The following SPAG16 variants were observed in gnomAD, a reference collection of about 807,000 sequenced individuals.
The protein encoded by SPAG16 is sperm-associated antigen 16 protein.
In SPAG16, 86 loss-of-function variants were observed where a neutral mutation model predicts 80.4. That is an observed-to-expected ratio of 1.07 (90% confidence interval 0.90 to 1.28). The LOEUF (loss-of-function observed/expected upper bound fraction) is 1.28, where lower values mean the gene tolerates loss of function less well. Ranked by LOEUF, SPAG16 falls within the 50% of genes most tolerant of loss-of-function variation. The pLI is 0.00. For synonymous variants in SPAG16, 294 were observed against 265.9 expected, an observed-to-expected ratio of 1.11 and a Z score of -1.03; for missense variants, 870 against 765.3, an observed-to-expected ratio of 1.14 and a Z score of -1.61.
intron 15 of SPAG16, among the ~76,000 whole-genome samples, chr2:214,250,965 T>G (rs976044578): frequency 6.6e-6 from 1 of 151,638 alleles, no homozygotes; most frequent in Non-Finnish European, 1.5e-5. Context: ...GAAATTTAGC[T>G]TCAAACTACC....
At chr2:213,296,618 G>A (rs1559381284) in intron 2 of SPAG16, among the ~76,000 whole-genome samples, 1 of 152,202 alleles carries the variant, frequency 6.6e-6, no homozygotes, top group East Asian at 1.9e-4. Flanking sequence ...AGATGACAGA[G>A]GCTGTGAATG....
intron 10 of SPAG16, among the ~76,000 whole-genome samples, chr2:213,750,462 T>C (rs1453363593): frequency 1.3e-5 from 2 of 152,248 alleles, no homozygotes; most frequent in East Asian, 3.8e-4. Context: ...AAGCTATTTG[T>C]CCAAAATTAA....
At chr2:213,699,096 C>T (rs140707873) in intron 10 of SPAG16, among the ~76,000 whole-genome samples, 1,552 of 152,282 alleles carry the variant, frequency 0.01, 13 homozygotes, top group Non-Finnish European at 0.017. Context: ...ATGTCTCCTA[C>T]AACGTTTGAT....
At chr2:213,770,239 A>AT (rs1361722581) in intron 10 of SPAG16, among the ~76,000 whole-genome samples, 2 of 151,830 alleles carry the variant, frequency 1.3e-5, no homozygotes, top group Non-Finnish European at 2.9e-5. Context: ...GTGATGATTT[A>AT]TTTTTTTCTT....
intron 10 of SPAG16, among the ~76,000 whole-genome samples, chr2:213,771,722 CT>C (rs777650592): frequency 2.0e-5 from 3 of 152,084 alleles, no homozygotes; most frequent in Non-Finnish European, 4.4e-5. Flanking sequence ...TTCCCCATTG[CT>C]TGTTTTCATC....
intron 13 of SPAG16, among the ~76,000 whole-genome samples, chr2:214,061,981 GCACACA>G (rs58582439): frequency 0.021 from 2,322 of 111,538 alleles, 50 homozygotes; most frequent in African/African-American, 0.065. Context: ...ATAAAAGCAT[GCACACA>G]CACACACACA....
At chr2:213,459,994 C>G (rs1046516004) in intron 9 of SPAG16, among the ~76,000 whole-genome samples, 16 of 152,088 alleles carry the variant, frequency 1.1e-4, no homozygotes, top group African/African-American at 3.9e-4. Flanking sequence ...GTTGAAAAAT[C>G]GAATATATGT....
intron 10 of SPAG16, among the ~76,000 whole-genome samples, chr2:213,629,693 G>T (rs554976599): frequency 1.3e-5 from 2 of 152,190 alleles, no homozygotes; most frequent in African/African-American, 4.8e-5. Flanking sequence ...ATGCTTCAGG[G>T]TGCTGATATG....
At chr2:213,294,338 T>C (rs2062415979) in intron 1 of SPAG16, among the ~76,000 whole-genome samples, 1 of 152,154 alleles carries the variant, frequency 6.6e-6, no homozygotes, top group South Asian at 2.1e-4. Context: ...CTCGAACAGA[T>C]TGCTAGTAGA....
chr2:214,109,265 A>G (rs556167961), intron 14 of SPAG16, among the ~76,000 whole-genome samples: 1 of 152,286 alleles, frequency 6.6e-6, no homozygotes, highest in East Asian at 1.9e-4. Context: ...TTGCCACGTG[A>G]ATTAAGGATG....
At chr2:213,936,968 G>A (rs185391883) in intron 12 of SPAG16, among the ~76,000 whole-genome samples, 48 of 152,174 alleles carry the variant, frequency 3.2e-4, no homozygotes, top group Middle Eastern at 3.4e-3. Flanking sequence ...TTAAGAAAGA[G>A]GAAATATGAA....
chr2:213,352,504 C>G (rs567538862), intron 7 of SPAG16, among the ~76,000 whole-genome samples: 3 of 152,272 alleles, frequency 2.0e-5, no homozygotes, highest in East Asian at 3.9e-4. Flanking sequence ...ATGCTTATCT[C>G]CCATATACCA....
intron 11 of SPAG16, among the ~76,000 whole-genome samples, chr2:213,915,605 T>C (rs2077920540): frequency 6.6e-6 from 1 of 152,208 alleles, no homozygotes; most frequent in Non-Finnish European, 1.5e-5. Context: ...GCATGTATCT[T>C]TATAGTAAAA....
intron 10 of SPAG16, among the ~76,000 whole-genome samples, chr2:213,704,461 C>T (rs377152514): frequency 7.9e-5 from 12 of 152,250 alleles, no homozygotes; most frequent in East Asian, 3.9e-4. Context: ...TCACAGCCCA[C>T]TTACACAATT....
chr2:214,313,623 CTAGTT>C (rs1356475223), intron 15 of SPAG16, among the ~76,000 whole-genome samples: 1 of 152,040 alleles, frequency 6.6e-6, no homozygotes, highest in African/African-American at 2.4e-5. Flanking sequence ...TTAACATTCA[CTAGTT>C]TAAAGTATTT....
At chr2:213,859,255 T>C (rs2105936303) in intron 10 of SPAG16, among the ~76,000 whole-genome samples, 1 of 140,508 alleles carries the variant, frequency 7.1e-6, no homozygotes, top group African/African-American at 2.6e-5. Flanking sequence ...AATACCGGAC[T>C]TCTACTATTA....
chr2:213,867,926 C>CAAAAAAAAAAAA (rs35795865), intron 11 of SPAG16, among the ~76,000 whole-genome samples: 3 of 45,884 alleles, frequency 6.5e-5, no homozygotes, highest in Non-Finnish European at 8.9e-5. Context: ...TCTGTCTCAA[C>CAAAAAAAAAAAA]AAAAAAAAAA....
chr2:213,602,192 G>A (rs569543586), intron 10 of SPAG16, among the ~76,000 whole-genome samples: 4 of 152,332 alleles, frequency 2.6e-5, no homozygotes, highest in East Asian at 3.9e-4. Context: ...GTAATAGGCT[G>A]TATCATCTGG....
chr2:213,481,955 T>A (rs1182770291), intron 9 of SPAG16, among the ~76,000 whole-genome samples: 3 of 152,166 alleles, frequency 2.0e-5, no homozygotes, highest in Non-Finnish European at 2.9e-5. Context: ...ATACTATAAT[T>A]GGGAATTACA....
Sources: gnomAD v4.1 joint callset for allele counts (sites outside exome capture counted in the v4.1 genomes callset) on GRCh38, gnomAD v4.1.1 for gene constraint, MANE v1.5 for transcripts, NCBI Gene and HGNC (gene_info 2026-07-23, HGNC 2026-07-21) for gene names.